The following THSD7A variants were observed in gnomAD, a reference collection of about 807,000 sequenced individuals.
The protein encoded by THSD7A is thrombospondin type-1 domain-containing protein 7A.
A neutral mutation model predicts 231.3 loss-of-function variants in THSD7A; 96 were observed. The observed-to-expected ratio is 0.41, with a 90% CI of 0.35 to 0.49. The LOEUF (loss-of-function observed/expected upper bound fraction) is 0.49, where lower values mean the gene tolerates loss of function less well. Ranked by LOEUF, THSD7A falls within the 20% of genes least tolerant of loss-of-function variation. THSD7A has a pLI of 0.05. For synonymous variants in THSD7A, 940 were observed against 743.3 expected (o/e 1.26, Z -4.30); for missense variants, 2,290 against 2,070.2 (o/e 1.11, Z -2.06).
At chr7:11,723,543 T>A (rs1781435590) in intron 1 of THSD7A, among the ~76,000 whole-genome samples, 1 of 151,868 alleles carries the variant, frequency 6.6e-6, no homozygotes, top group African/African-American at 2.4e-5. Flanking sequence ...TAATAAGTAC[T>A]AAGAAAAACA....
chr7:11,780,456 T>C (rs560788124), intron 1 of THSD7A, among the ~76,000 whole-genome samples: 19 of 152,260 alleles, frequency 1.2e-4, no homozygotes, highest in Non-Finnish European at 2.2e-4. Flanking sequence ...GCTGTGACAT[T>C]TTGAGTTTAC....
At position 11,374,327 on chromosome 7, in the gene THSD7A, C is replaced by T. The variant is rs1782177962; in HGVS notation, c.*1467G>A. 1 of 152,112 alleles carries T rather than the reference C, an allele frequency of 6.6e-6. No homozygotes were observed. The highest frequency in any genetic ancestry group is 1.5e-5 in the Non-Finnish European group (1 of 67,996). 9.4% of individuals were successfully genotyped at this position (152,112 alleles called of 1,614,324 possible). On this transcript the variant is annotated 3_prime_UTR_variant, in exon 28 of 28. Coordinates refer to ENST00000423059, the MANE Select transcript of THSD7A (RefSeq NM_015204.3). ...TCCTTTACAGAAAAAGTTTGCCACT[C>T]TTGCTCTAGATATGCAATGAAGTCT...
At chr7:11,382,700 C>A in intron 23 of THSD7A, 84 bp from the exon 24 acceptor site, 3 of 1,035,770 alleles carry the variant, frequency 2.9e-6, no homozygotes, top group Non-Finnish European at 4.4e-6. Flanking sequence ...TAACATATTA[C>A]TGAAAAGTAA....
At chr7:11,730,941 T>A (rs575241152) in intron 1 of THSD7A, among the ~76,000 whole-genome samples, 69 of 151,806 alleles carry the variant, frequency 4.5e-4, no homozygotes, top group African/African-American at 1.5e-3. Flanking sequence ...TTCAGTTAGC[T>A]ACTCTACTGC....
intron 1 of THSD7A, among the ~76,000 whole-genome samples, chr7:11,707,542 T>A (rs1295259767): frequency 6.6e-6 from 1 of 150,974 alleles, no homozygotes; most frequent in Non-Finnish European, 1.5e-5. Flanking sequence ...ATCAATACAT[T>A]CTATCATTAT....
rs1171892396 is a variant in THSD7A at position 11,820,886 on chromosome 7, G to A, written c.190+10871C>T. 6 of 878,232 alleles carry A rather than the reference G, an allele frequency of 6.8e-6. No individual in the cohort carries two copies. In the East Asian group the frequency reaches 1.5e-4, roughly 22 times the overall value. 54.4% of individuals were successfully genotyped at this position (878,232 alleles called of 1,614,324 possible). ...CAGCTGACCTTTCCCTCGAGTGGCT[G>A]GAGTCTCGGGAATTCACTGATTCTC... On this transcript the variant is annotated intron_variant, in intron 1 of 27. Transcript: ENST00000423059.
At chr7:11,792,118 C>T (rs555716500) in intron 1 of THSD7A, among the ~76,000 whole-genome samples, 9 of 152,036 alleles carry the variant, frequency 5.9e-5, no homozygotes, top group East Asian at 1.9e-4. Context: ...CTCCATTTCA[C>T]GCTCTCCTCT....
chr7:11,633,583 GCCCTTCTAAGTGTC>G (rs1781731944), intron 2 of THSD7A, among the ~76,000 whole-genome samples: 1 of 152,128 alleles, frequency 6.6e-6, no homozygotes, highest in Non-Finnish European at 1.5e-5. Flanking sequence ...AACACATAAT[GCCCTTCTAAGTGTC>G]CTCCCTAAGT....
At chr7:11,822,072 G>C (rs1302505945) in intron 1 of THSD7A, among the ~76,000 whole-genome samples, 1 of 152,032 alleles carries the variant, frequency 6.6e-6, no homozygotes, top group African/African-American at 2.4e-5. Context: ...CAAATTTATA[G>C]GGTACATGCG....
intron 6 of THSD7A, among the ~76,000 whole-genome samples, chr7:11,488,108 C>T (rs574888990): frequency 1.8e-4 from 28 of 152,244 alleles, no homozygotes; most frequent in African/African-American, 6.5e-4. Flanking sequence ...TTAAAAAGCA[C>T]ATTATTTAGA....
rs557612121 is a variant in THSD7A, at chr7:11,526,629, G to T, written c.1822+14790C>A. Among the ~76,000 whole-genome samples the T allele has an allele frequency of 2.0e-5, 3 of 152,270 alleles. No individual in the cohort carries two copies. In the East Asian group the frequency reaches 5.8e-4, roughly 29 times the overall value. On this transcript the variant is annotated intron_variant, in intron 6 of 27. Coordinates refer to ENST00000423059, the MANE Select transcript of THSD7A (RefSeq NM_015204.3). ...ATGTGCATATAATGCCAGTAACATA[G>T]CATGTAATGCCTAGTATACAGCAGT...
At chr7:11,599,860 A>C (rs958160448) in intron 2 of THSD7A, among the ~76,000 whole-genome samples, 5 of 151,136 alleles carry the variant, frequency 3.3e-5, no homozygotes, top group African/African-American at 1.2e-4. Context: ...AAAGGCAGAA[A>C]CACCTTTCAT....
chr7:11,426,857 T>C (rs1784338682), intron 14 of THSD7A, among the ~76,000 whole-genome samples, 186 bp from the exon 15 acceptor site: 1 of 152,148 alleles, frequency 6.6e-6, no homozygotes, highest in South Asian at 2.1e-4. Flanking sequence ...AACTACTTAT[T>C]AATGTTAAAA....
intron 1 of THSD7A, among the ~76,000 whole-genome samples, chr7:11,684,493 T>C (rs546872992): frequency 3.3e-5 from 5 of 151,494 alleles, no homozygotes; most frequent in Admixed American, 6.6e-5. Flanking sequence ...GCCCTAAAGA[T>C]TCCACTGTAA....
At chr7:11,570,817 G>A (rs1790593604) in intron 4 of THSD7A, among the ~76,000 whole-genome samples, 1 of 152,222 alleles carries the variant, frequency 6.6e-6, no homozygotes. Flanking sequence ...AGGGATTTAA[G>A]CCTCTATTTT....
In THSD7A at chr7:11,667,903, A is replaced by G. The variant is rs184681597; in HGVS notation, c.191-30942T>C. On this transcript the variant is annotated intron_variant, in intron 1 of 27. Transcript: ENST00000423059. ...AAAGCATATGTATTAGCATAAAACA[A>G]CATGCATATTAACGTTAATGTAACA... Among the ~76,000 whole-genome samples, 12 of 152,312 alleles carry G rather than the reference A, an allele frequency of 7.9e-5. No individual in the cohort carries two copies. In the East Asian group the frequency reaches 2.3e-3, roughly 29 times the overall value.
chr7:11,465,609 T>C lies in THSD7A; in HGVS notation c.2369-3466A>G, dbSNP rs138813580. On this transcript the variant is annotated intron_variant, in intron 9 of 27. Coordinates refer to ENST00000423059, the MANE Select transcript of THSD7A (RefSeq NM_015204.3). ...AACTGGATATGGGATGGATTGCAGG[T>C]TGAAGCAGTACAGTAATAGGAAATT... Among the ~76,000 whole-genome samples the C allele has an allele frequency of 3.8e-3, 577 of 151,698 alleles. 18 individuals are homozygous for C. The highest frequency in any genetic ancestry group is 0.036 in the Admixed American group (542 of 15,220).
At position 11,637,149 on chromosome 7, in the gene THSD7A, TCA is replaced by T. The variant is rs1181918624; in HGVS notation, c.191-190_191-189del. Among the ~76,000 whole-genome samples, 1 of 152,214 alleles carries T rather than the reference TCA, an allele frequency of 6.6e-6. No homozygotes were observed. The highest frequency in any genetic ancestry group is 6.5e-5 in the Admixed American group (1 of 15,280). ...GTATTTTTGCAAAAGGGGAACTGTG[TCA>T]CAGAGTCTATATAAGGTAACTTCTG... On this transcript the variant is annotated intron_variant, in intron 1 of 27. Coordinates refer to ENST00000423059, the MANE Select transcript of THSD7A (RefSeq NM_015204.3). This position sits in a 1 kb window ranked among gnomAD's most constrained non-coding sequence, Gnocchi z 4.2.
At chr7:11,594,109 C>T (rs544769587) in intron 2 of THSD7A, among the ~76,000 whole-genome samples, 65 of 152,152 alleles carry the variant, frequency 4.3e-4, no homozygotes, top group Admixed American at 1.4e-3. Flanking sequence ...AAAGAGTAGA[C>T]TGGCCTAACC....
Sources: gnomAD v4.1 joint callset for allele counts (sites outside exome capture counted in the v4.1 genomes callset) on GRCh38, gnomAD v4.1.1 for gene constraint, Gnocchi (gnomAD v3.1) non-coding constraint, MANE v1.5 for transcripts, NCBI Gene and HGNC (gene_info 2026-07-23, HGNC 2026-07-21) for gene names.